HIF3A: variants seen among roughly 807,000 people sequenced by gnomAD.
HIF3A encodes hypoxia-inducible factor 3-alpha.
A neutral mutation model predicts 67.2 loss-of-function variants in HIF3A; 41 were observed. That is an observed-to-expected ratio of 0.61 (90% CI 0.48 to 0.79). The LOEUF is 0.79. HIF3A is among the 30% of genes least tolerant of loss of function. HIF3A has a pLI of 0.00. For synonymous variants in HIF3A, 356 were observed against 374.8 expected (o/e 0.95, Z 0.58); for missense variants, 855 against 898.0 (o/e 0.95, Z 0.61).
chr19:46,322,224 A>G (rs1010558329), intron 10 of HIF3A, among the ~76,000 whole-genome samples: 1 of 152,090 alleles, frequency 6.6e-6, no homozygotes, highest in Non-Finnish European at 1.5e-5. Flanking sequence ...TAATAATGCA[A>G]CAATCGTCAA....
intron 12 of HIF3A, among the ~76,000 whole-genome samples, chr19:46,330,563 G>A (rs1800149803): frequency 6.6e-6 from 1 of 150,982 alleles, no homozygotes. Flanking sequence ...GTGGATGGAT[G>A]GTGGATGGAT....
At chr19:46,305,561 T>A (rs1054827897) in intron 3 of HIF3A, among the ~76,000 whole-genome samples, 171 bp downstream of exon 3, 1 of 152,012 alleles carries the variant, frequency 6.6e-6, no homozygotes, top group East Asian at 1.9e-4. Flanking sequence ...TGGGACAGTC[T>A]AGGGGGCTGT....
chr19:46,318,297 G>A (rs1970078136), intron 8 of HIF3A, among the ~76,000 whole-genome samples: 1 of 151,656 alleles, frequency 6.6e-6, no homozygotes, highest in Non-Finnish European at 1.5e-5. Flanking sequence ...GCTGGGCATG[G>A]TAACTCACAC....
At chr19:46,339,491 C>G in intron 14 of HIF3A, 34 bp from the exon 15 acceptor site, 2 of 1,378,644 alleles carry the variant, frequency 1.5e-6, no homozygotes, top group Non-Finnish European at 2.0e-6. Context: ...TCGTCTTTTA[C>G]CTTTCATTTA....
intron 8 of HIF3A, among the ~76,000 whole-genome samples, chr19:46,316,961 G>T (rs950208682): frequency 2.0e-5 from 3 of 151,868 alleles, no homozygotes; most frequent in Non-Finnish European, 2.9e-5. Context: ...AATTTTTTTT[G>T]AAATAAAGTC....
At chr19:46,311,144 C>T (rs756053732) in intron 6 of HIF3A, among the ~76,000 whole-genome samples, 2 of 152,014 alleles carry the variant, frequency 1.3e-5, no homozygotes, top group Non-Finnish European at 2.9e-5. Flanking sequence ...GTCATGCATG[C>T]TGTCTCTTTT....
At chr19:46,307,259 C>T (rs144097693) in intron 3 of HIF3A, among the ~76,000 whole-genome samples, 15 of 152,254 alleles carry the variant, frequency 9.9e-5, no homozygotes, top group Middle Eastern at 3.4e-3. Context: ...CCCCACTGGC[C>T]AGTAAGCTCT....
At chr19:46,304,617 C>T (rs1216510240) in intron 2 of HIF3A, among the ~76,000 whole-genome samples, 1 of 152,026 alleles carries the variant, frequency 6.6e-6, no homozygotes, top group Non-Finnish European at 1.5e-5. Context: ...GGCTTTGCCA[C>T]GCACGTGCAC....
At chr19:46,312,349 C>T in intron 7 of HIF3A, 82 bp downstream of exon 7, 1 of 1,611,714 alleles carries the variant, frequency 6.2e-7, no homozygotes, top group Non-Finnish European at 8.5e-7. Flanking sequence ...CTCCCCATAC[C>T]CCAGGATGCA....
rs1170226158 is a variant in HIF3A, at chr19:46,303,954, G to A, written c.83G>A (p.Ser28Asn). The A allele has an allele frequency of 1.2e-6, 2 of 1,606,444 alleles. No individual in the cohort carries two copies. The highest frequency in any genetic ancestry group is 2.7e-5 in the African/African-American group (2 of 74,802). The change falls in exon 2 of 15, where the codon AGC becomes AAC. Residue 28 changes from serine (S) to asparagine (N), a missense_variant. Coordinates refer to ENST00000377670, the MANE Select transcript of HIF3A (RefSeq NM_152795.4). Reference protein sequence around the residue: ...KSRDAARSRRSQETEVLYQLA... With the variant: ...KSRDAARSRRNQETEVLYQLA... ...CGGGATGCGGCCCGCAGCCGGCGCA[G>A]CCAGGAGACCGAGGTGCTGTACCAG...
intron 1 of HIF3A, among the ~76,000 whole-genome samples, chr19:46,303,266 G>T (rs529138646): frequency 1.3e-5 from 2 of 152,372 alleles, no homozygotes; most frequent in African/African-American, 4.8e-5. Context: ...CAAAATGTAG[G>T]TATCTGAAGT....
In HIF3A at chr19:46,331,242, A is replaced by G; in HGVS notation, c.1799A>G (p.His600Arg). ...RPPKRSPSPEHENFLLFPLSL... is the reference protein window; with the variant it reads ...RPPKRSPSPERENFLLFPLSL... ...CCCAAAAGGTCCCCCAGCCCAGAACACGAAAACTTTCTGCTCTTTCCTCTC... is the reference window on the plus strand; with the variant it reads ...CCCAAAAGGTCCCCCAGCCCAGAACGCGAAAACTTTCTGCTCTTTCCTCTC... The change falls in exon 13 of 15, where the codon CAC (histidine) becomes CGC (arginine). Residue 600 changes from histidine (H) to arginine (R), a missense_variant. Transcript: ENST00000377670. 1 of 1,613,998 alleles carries G rather than the reference A, an allele frequency of 6.2e-7. No individual in the cohort carries two copies. Among genetic ancestry groups the G allele is most frequent in the South Asian group, 1.1e-5 (1 of 91,082 alleles).
intron 1 of HIF3A, among the ~76,000 whole-genome samples, chr19:46,299,989 C>T (rs565424593): frequency 2.0e-5 from 3 of 152,250 alleles, no homozygotes; most frequent in African/African-American, 7.2e-5. Flanking sequence ...GGAACATGGT[C>T]GGATTCACTG....
At position 46,341,081 on chromosome 19, in the gene HIF3A, T is replaced by A. The variant is rs1209693719; in HGVS notation, c.*1459T>A. On this transcript the variant is annotated 3_prime_UTR_variant, in exon 15 of 15. Transcript: ENST00000377670. ...CCCTCCAACGCCCTCCGGTTCCAGA[T>A]CTTATATTCAGTGATTTCCTCTGGT... 6.6e-6 allele frequency: 1 copy of A among 152,166 alleles called. No individual in the cohort carries two copies. The highest frequency in any genetic ancestry group is 1.5e-5 in the Non-Finnish European group (1 of 68,058). The allele number at this position is 152,166 out of a possible 1,614,324, so 9.4% of individuals were successfully genotyped here.
intron 6 of HIF3A, among the ~76,000 whole-genome samples, chr19:46,310,084 G>A (rs1969295232): frequency 6.6e-6 from 1 of 152,180 alleles, no homozygotes; most frequent in Admixed American, 6.5e-5. Context: ...AATTAGCTGG[G>A]CATGGTGGCG....
chr19:46,338,878 G>A (rs1250948362), intron 14 of HIF3A, among the ~76,000 whole-genome samples: 1 of 152,192 alleles, frequency 6.6e-6, no homozygotes, highest in African/African-American at 2.4e-5. Context: ...AGACGTCACT[G>A]CCGTTTGAAT....
chr19:46,329,608 G>A, intron 12 of HIF3A, 130 bp downstream of exon 12: 1 of 1,159,200 alleles, frequency 8.6e-7, no homozygotes, highest in Non-Finnish European at 1.1e-6. Flanking sequence ...CCCTCGGTGG[G>A]CCCAGCACAT....
chr19:46,302,459 C>A (rs1267767242), intron 1 of HIF3A, among the ~76,000 whole-genome samples: 1 of 152,122 alleles, frequency 6.6e-6, no homozygotes, highest in African/African-American at 2.4e-5. Context: ...GAGACGGAGC[C>A]TTGCTGTGTC....
At chr19:46,302,694 T>C (rs1968447771) in intron 1 of HIF3A, among the ~76,000 whole-genome samples, 2 of 152,074 alleles carry the variant, frequency 1.3e-5, no homozygotes, top group African/African-American at 4.8e-5. Flanking sequence ...GGCAACAAAA[T>C]GACACACTGT....
Sources: allele counts gnomAD v4.1 joint callset (sites outside exome capture counted in the v4.1 genomes callset), GRCh38; gene constraint gnomAD v4.1.1; transcripts MANE v1.5; gene names NCBI Gene and HGNC (gene_info 2026-07-23, HGNC 2026-07-21).